MYH7B: variants seen among roughly 807,000 people sequenced by gnomAD.
The protein encoded by MYH7B is myosin-7B.
A neutral mutation model predicts 234.5 loss-of-function variants in MYH7B; 205 were observed. That is an observed-to-expected ratio of 0.87 (90% CI 0.78 to 0.98). The LOEUF (loss-of-function observed/expected upper bound fraction) is 0.98. Ranked by LOEUF, MYH7B falls within the 50% of genes least tolerant of loss-of-function variation. MYH7B has a pLI of 0.00. For missense variants in MYH7B, 2,652 were observed against 2,633.4 expected (o/e 1.01, Z -0.15); for synonymous variants, 1,193 against 1,105.0 (o/e 1.08, Z -1.58).
exon 39 of MYH7B, chr20:35,000,620 G>A: frequency 1.3e-6 from 2 of 1,574,482 alleles, no homozygotes; most frequent in Non-Finnish European, 1.7e-6. Context: ...AGCAGGGCGA[G>A]CGCAGCCGGC....
At chr20:34,957,000 G>A (rs1270264241) in intron 1 of MYH7B, among the ~76,000 whole-genome samples, 1 of 152,250 alleles carries the variant, frequency 6.6e-6, no homozygotes, top group Non-Finnish European at 1.5e-5. Flanking sequence ...GCTGCTGTGA[G>A]CTGAGATCAC....
intron 13 of MYH7B, 36 bp downstream of exon 13, chr20:34,985,165 A>C: frequency 6.2e-7 from 1 of 1,605,358 alleles, no homozygotes; most frequent in Non-Finnish European, 8.5e-7. Context: ...CAGGGGAAGG[A>C]GGCCTGAGCC....
chr20:34,995,196 G>T, intron 27 of MYH7B, 140 bp from the exon 28 acceptor site: 3 of 794,204 alleles, frequency 3.8e-6, no homozygotes, highest in East Asian at 2.7e-5. Context: ...GCCCAAGAGC[G>T]AGTCAAGACA....
exon 45 of MYH7B, chr20:35,002,264 C>A: frequency 6.8e-7 from 1 of 1,468,680 alleles, no homozygotes. Flanking sequence ...CCCGATCCTG[C>A]CATCTCTGCA....
chr20:34,967,529 G>A (rs1054800238), intron 2 of MYH7B, among the ~76,000 whole-genome samples: 5 of 151,950 alleles, frequency 3.3e-5, no homozygotes, highest in East Asian at 3.9e-4. Context: ...GATTGACCAC[G>A]ATCACAAGGG....
At chr20:34,991,182 C>A in intron 24 of MYH7B, 61 bp downstream of exon 24, 1 of 1,221,440 alleles carries the variant, frequency 8.2e-7, no homozygotes, top group Non-Finnish European at 1.2e-6. Flanking sequence ...CTGGGCAGGA[C>A]ACACATATCA....
At position 35,001,076 on chromosome 20, in the gene MYH7B, G is replaced by A. The variant is rs747498123; in HGVS notation, c.5393G>A (p.Arg1798His). The A allele has an allele frequency of 1.5e-5, 25 of 1,613,688 alleles. No homozygotes were observed. The highest frequency in any genetic ancestry group is 1.5e-4 in the African/African-American group (11 of 74,920). The change falls in exon 41 of 45, where the codon CGC (arginine) becomes CAC (histidine). Residue 1798 changes from arginine to histidine, a missense_variant. Physicochemically the swap from Arg to His is conservative, Grantham distance 29. Transcript: ENST00000262873. ...AAGAAGACGCTGGAGCAGACGGTGC[G>A]CGAGCTCCAGGCCCGCCTTGAGGAG...
At chr20:34,987,948 C>G (rs1435478349) in intron 18 of MYH7B, 34 bp downstream of exon 18, 1 of 1,566,114 alleles carries the variant, frequency 6.4e-7, no homozygotes, top group Non-Finnish European at 8.7e-7. Context: ...CCTCTGTTCT[C>G]TCCAAGGTAG....
At position 34,990,179 on chromosome 20, in the gene MYH7B, CAG is replaced by C. The variant is rs772820783; in HGVS notation, c.1900+34_1900+35del. The C allele has an allele frequency of 3.7e-5, 60 of 1,614,134 alleles. No homozygotes were observed. The African/African-American group carries it at 6.3e-4, about 17-fold the overall frequency. On this transcript the variant is annotated intron_variant, in intron 21 of 44. Coordinates refer to ENST00000262873, the Ensembl canonical transcript of MYH7B. ...TGGAGGGACAAGATCTCCACTCTGA[CAG>C]GGGCCCACAGAGCGACATTCCCTGG...
chr20:34,993,568 A>G (rs2082197706), intron 26 of MYH7B, 98 bp downstream of exon 26: 12 of 1,336,630 alleles, frequency 9.0e-6, no homozygotes, highest in Non-Finnish European at 1.2e-5. Context: ...CCCTGTAGTC[A>G]GATCAGCCCC....
At position 34,987,631 on chromosome 20, in the gene MYH7B, C is replaced by T. The variant is rs45522831; in HGVS notation, c.1222C>T (p.Arg408Cys). The change falls in exon 17 of 45, where the codon CGT becomes TGT. Residue 408 changes from arginine (R) to cysteine (C), a missense_variant. Arg to Cys is a radical substitution (Grantham distance 180, BLOSUM62 -3). Coordinates refer to ENST00000262873, the Ensembl canonical transcript of MYH7B. ...CAAAGGCCTTTTGCACCCCCGGGTGCGTGTAGGGAACGAGTACGTGACCAA... is the reference window on the plus strand; with the variant it reads ...CAAAGGCCTTTTGCACCCCCGGGTGTGTGTAGGGAACGAGTACGTGACCAA... The T allele has an allele frequency of 5.9e-3, 9,505 of 1,614,020 alleles. 46 individuals carry two copies. Among genetic ancestry groups the T allele is most frequent in the Middle Eastern group, 8.4e-3 (51 of 6,062 alleles).
Position 34,986,248 on chromosome 20 carries a change from G to A in MYH7B, c.904+50G>A, listed in dbSNP as rs371261226. ...GTGGGAGTCAGAACCTGGAGGGGCT[G>A]CCTGGCGCTTCCTGGCCCCCATCAG... On this transcript the variant is annotated intron_variant, in intron 14 of 44. Transcript: ENST00000262873. 21 of 1,449,276 alleles carry A rather than the reference G, an allele frequency of 1.4e-5. No homozygotes were observed. The Admixed American group carries it at 1.6e-4, about 11-fold the overall frequency. 89.8% of individuals were successfully genotyped at this position (1,449,276 alleles called of 1,614,324 possible).
intron 10 of MYH7B, among the ~76,000 whole-genome samples, chr20:34,983,283 CTTTT>C: frequency 1.7e-5 from 2 of 115,532 alleles, no homozygotes; most frequent in East Asian, 2.3e-4. Flanking sequence ...TTTTTTCTTT[CTTTT>C]CTTTTCTTTT....
Position 34,980,859 on chromosome 20 carries a change from A to T in MYH7B, c.499+125A>T, listed in dbSNP as rs1027379728. On this transcript the variant is annotated intron_variant, in intron 8 of 44. Transcript: ENST00000262873. ...TTGACGCTGCTGGACATGGTCGCCC[A>T]GCCGTTCTGTCCCTCCGCATGGGAG... 148 of 1,502,154 alleles carry T rather than the reference A, an allele frequency of 9.9e-5. 1 individual carries two copies. The Admixed American group carries it at 2.7e-3, about 28-fold the overall frequency. The allele number at this position is 1,502,154 out of a possible 1,614,324, so 93.1% of individuals were successfully genotyped here. A position where few individuals can be genotyped will look rare whatever the true frequency, so the allele number is the denominator to read the frequency against.
Position 34,985,993 on chromosome 20 carries a change from G to GC in MYH7B, c.806-101dup, listed in dbSNP as rs548618608. ...ACACAAGCTGGCAGGTGCAGATGCA[G>GC]CCCCCCTGCACACTCCCTGCCCACC... is the stretch of plus-strand genomic sequence containing the variant. On this transcript the variant is annotated intron_variant, in intron 13 of 44. Transcript: ENST00000262873. 2.1e-5 allele frequency: 19 copies of GC among 918,358 alleles called. No individual in the cohort carries two copies. In the East Asian group the frequency reaches 3.7e-4, roughly 18 times the overall value. The allele number at this position is 918,358 out of a possible 1,614,324, so 56.9% of individuals were successfully genotyped here.
intron 6 of MYH7B, 80 bp downstream of exon 6, chr20:34,979,576 G>A (rs2081908735): frequency 2.5e-6 from 4 of 1,602,782 alleles, no homozygotes; most frequent in Non-Finnish European, 3.4e-6. Flanking sequence ...TGGTTGAAGG[G>A]GGTCTGGGTA....
Position 34,999,144 on chromosome 20 carries a change from C to T in MYH7B, c.4279C>T (p.Arg1427Trp), listed in dbSNP as rs376694362. The stretch of plus-strand genomic sequence containing the variant: ...CTCATCGTTGGAGAAGGCCAAGCTG[C>T]GGCTACAGACAGAGTCAGAGGATGT... Residue 1427 changes from arginine (R) to tryptophan (W), a missense_variant, in exon 36 of 45, where the codon CGG (arginine) becomes TGG (tryptophan). Arg to Trp is a moderately radical substitution (Grantham distance 101). This residue lies in a region of MYH7B where 2,279 missense variants were observed against 2,211.4 expected (regional missense o/e 1.03). Transcript: ENST00000262873. 2.6e-5 allele frequency: 42 copies of T among 1,613,580 alleles called. No homozygotes were observed. The highest frequency in any genetic ancestry group is 1.7e-4 in the Admixed American group (10 of 60,004).
chr20:34,999,457 C>CTT, intron 36 of MYH7B, 52 bp downstream of exon 36: 1 of 1,522,010 alleles, frequency 6.6e-7, no homozygotes, highest in Non-Finnish European at 8.8e-7. Context: ...GTCGGAGCAA[C>CTT]TTTGAGTTAT....
At position 34,984,973 on chromosome 20, in the gene MYH7B, CG is replaced by C. The variant is rs1569040447; in HGVS notation, c.741+31del. ...TGAGTGGCTGAGGTGGGAGGGGTGG[CG>C]GGGATGCCGTAGGCCACCAGCGGCA... is the stretch of plus-strand genomic sequence containing the variant. On this transcript the variant is annotated intron_variant, in intron 12 of 44. Transcript: ENST00000262873. 35 of 1,610,132 alleles carry C rather than the reference CG, an allele frequency of 2.2e-5. 1 individual carries two copies. In the Middle Eastern group the frequency reaches 1.3e-3, roughly 61 times the overall value.
Sources: allele counts gnomAD v4.1 joint callset (sites outside exome capture counted in the v4.1 genomes callset), GRCh38; gene constraint gnomAD v4.1.1; regional missense constraint gnomAD v4.1.1; transcripts MANE v1.5; gene names NCBI Gene and HGNC (gene_info 2026-07-23, HGNC 2026-07-21).